Variants in TMEM161A observed in about 807,000 individuals in gnomAD.
The protein encoded by TMEM161A is adaptive response to oxidative stress protein 29.
A neutral mutation model predicts 57.1 loss-of-function variants in TMEM161A; 46 were observed. The ratio of observed to expected loss-of-function variants is 0.81; its 90% CI spans 0.64 to 1.03. The LOEUF is 1.03. Ranked by LOEUF, TMEM161A falls within the 50% of genes least tolerant of loss-of-function variation. The pLI, the probability that TMEM161A is intolerant of heterozygous loss-of-function variation, is 0.00. For synonymous variants in TMEM161A, 288 were observed against 279.0 expected (o/e 1.03, Z -0.32); for missense variants, 601 against 621.5 (o/e 0.97, Z 0.35).
rs772226901 is a variant in TMEM161A at position 19,132,765 on chromosome 19, G to A, written c.189-11C>T. 1.3e-6 allele frequency: 2 copies of A among 1,525,606 alleles called. No individual in the cohort carries two copies. Among genetic ancestry groups the A allele is most frequent in the Non-Finnish European group, 1.8e-6 (2 of 1,135,588 alleles). 94.5% of individuals were successfully genotyped at this position (1,525,606 alleles called of 1,614,324 possible). ...AGGCCATTGGCCCACCTGGGAGGAT[G>A]GTGACAAGCAAGAGGGACGGTGAGC... On this transcript the variant is annotated splice_polypyrimidine_tract_variant and intron_variant, in intron 3 of 11. Transcript: ENST00000162044. This position sits in a 1 kb window ranked among gnomAD's most constrained non-coding sequence, Gnocchi z 4.3.
At chr19:19,120,689 C>T in intron 11 of TMEM161A, 76 bp downstream of exon 11, 1 of 1,412,280 alleles carries the variant, frequency 7.1e-7, no homozygotes, top group South Asian at 1.2e-5. Flanking sequence ...CACCGCGGTC[C>T]CCGCCAGAGT....
rs1370134981 is a variant in TMEM161A, at chr19:19,132,216, G to C, written c.443+136C>G. The C allele has an allele frequency of 9.6e-7, 1 of 1,043,110 alleles. No individual in the cohort carries two copies. Among genetic ancestry groups the C allele is most frequent in the East Asian group, 2.5e-5 (1 of 40,274 alleles). The allele number at this position is 1,043,110 out of a possible 1,614,324, so 64.6% of individuals were successfully genotyped here. Reference sequence around the variant, plus strand: ...CCCACAGAGCTGGAGCACATAAAATGTCTGCTTCATGTCACTAAGCTTGGG... The same window carrying C: ...CCCACAGAGCTGGAGCACATAAAATCTCTGCTTCATGTCACTAAGCTTGGG... On this transcript the variant is annotated intron_variant, in intron 5 of 11. Coordinates refer to ENST00000162044, the MANE Select transcript of TMEM161A (RefSeq NM_017814.3). The surrounding 1 kb of genome is among the most constrained non-coding windows in gnomAD (Gnocchi z 4.3).
At chr19:19,129,782 C>A (rs1450181481) in intron 6 of TMEM161A, among the ~76,000 whole-genome samples, 3 of 151,712 alleles carry the variant, frequency 2.0e-5, no homozygotes. Flanking sequence ...GTGGTGCACA[C>A]CCATAATCCC....
In TMEM161A at chr19:19,132,300, T is replaced by G; in HGVS notation, c.443+52A>C. 1 of 1,561,678 alleles carries G rather than the reference T, an allele frequency of 6.4e-7. No individual in the cohort carries two copies. Among genetic ancestry groups the G allele is most frequent in the African/African-American group, 1.4e-5 (1 of 73,520 alleles). The stretch of plus-strand genomic sequence containing the variant: ...ACCAGTTTAGGGGAGCCAGGGAAGC[T>G]CAGGTCCTGCTCCCACCCGCCCCAC... On this transcript the variant is annotated intron_variant, in intron 5 of 11. Coordinates refer to ENST00000162044, the MANE Select transcript of TMEM161A (RefSeq NM_017814.3). This position sits in a 1 kb window ranked among gnomAD's most constrained non-coding sequence, Gnocchi z 4.3.
chr19:19,122,221 G>A (rs1032958597), intron 6 of TMEM161A, among the ~76,000 whole-genome samples: 10 of 152,168 alleles, frequency 6.6e-5, no homozygotes, highest in Non-Finnish European at 1.3e-4. Context: ...TTGAACATGG[G>A]GAGCGGAGGT....
Position 19,120,149 on chromosome 19 carries a change from T to C in TMEM161A, c.1221A>G (p.Leu407=), listed in dbSNP as rs1347053612. The C allele has an allele frequency of 4.5e-6, 7 of 1,559,448 alleles. No individual in the cohort carries two copies. The highest frequency in any genetic ancestry group is 3.9e-5 in the Admixed American group (2 of 51,632). The change falls in exon 12 of 12, where the codon CTA becomes CTG. Residue 407 remains leucine (L), a synonymous_variant. Transcript: ENST00000162044. ...TGGCTGAGGATGGGTCGGGGGATAG[T>C]AGAGGAGCTGGGCCCAGGCCCCAGG... ...GYSWGLGPAP[L]LSPDPSSASA... is the part of the protein sequence containing the mutation.
rs564474878 is a variant in TMEM161A at position 19,135,020 on chromosome 19, T to G, written c.4-133A>C. The G allele has an allele frequency of 6.2e-6, 4 of 649,980 alleles. No individual in the cohort carries two copies. In the South Asian group the frequency reaches 7.5e-5, roughly 12 times the overall value. 40.3% of individuals were successfully genotyped at this position (649,980 alleles called of 1,614,324 possible). A position where few individuals can be genotyped will look rare whatever the true frequency, so the allele number is the denominator to read the frequency against. ...GCGAGCCTCTTAGGCTCTAGCGGCT[T>G]CTTAGGGGAGAGTCCTGGGGTGAGT... is the stretch of plus-strand genomic sequence containing the variant. On this transcript the variant is annotated intron_variant, in intron 1 of 11. Transcript: ENST00000162044.
At chr19:19,131,579 G>A (rs2059959295) in intron 5 of TMEM161A, among the ~76,000 whole-genome samples, 1 of 151,986 alleles carries the variant, frequency 6.6e-6, no homozygotes, top group Admixed American at 6.6e-5. Context: ...AGGCTGGAGT[G>A]CAATAGCATG....
At chr19:19,124,101 A>G (rs1485537478) in intron 6 of TMEM161A, among the ~76,000 whole-genome samples, 2 of 152,178 alleles carry the variant, frequency 1.3e-5, no homozygotes, top group Non-Finnish European at 2.9e-5. Flanking sequence ...TCCATACATC[A>G]TGATAAAATG....
At chr19:19,122,199 C>G (rs2059914320) in intron 6 of TMEM161A, among the ~76,000 whole-genome samples, 1 of 152,150 alleles carries the variant, frequency 6.6e-6, no homozygotes, top group Non-Finnish European at 1.5e-5. Context: ...GAGGCTGAGG[C>G]AGGAGAATCG....
In TMEM161A at chr19:19,128,347, T is replaced by C. The variant is rs1298959962; in HGVS notation, c.595+1809A>G. Among the ~76,000 whole-genome samples the C allele has an allele frequency of 2.0e-5, 3 of 149,432 alleles. No individual in the cohort carries two copies. In the Admixed American group the frequency reaches 2.0e-4, roughly 10 times the overall value. ...ACCAGGTTCACGCCATTCTCCTGCC[T>C]CAGCCTCCCAAGTAGCTGGGACTAT... On this transcript the variant is annotated intron_variant, in intron 6 of 11. Transcript: ENST00000162044.
chr19:19,135,277 C>G (rs562525245), intron 1 of TMEM161A, among the ~76,000 whole-genome samples: 43 of 152,224 alleles, frequency 2.8e-4, no homozygotes, highest in Admixed American at 9.2e-4. Context: ...AACCACGAGC[C>G]CGCCACACTC....
In TMEM161A at chr19:19,121,125, A is replaced by G. The variant is rs1367023991; in HGVS notation, c.956T>C (p.Leu319Pro). 3.1e-6 allele frequency: 5 copies of G among 1,611,100 alleles called. No individual in the cohort carries two copies. Among genetic ancestry groups the G allele is most frequent in the Non-Finnish European group, 4.2e-6 (5 of 1,179,120 alleles). ...SAFDSGRLWL[L>P]VVLCLLRLAV... Reference sequence around the variant, plus strand: ...CAGCCGCAGCAGGCACAGCACCACCAGCAACCAGAGGCGCCCAGAGTCGAA... The same window carrying G: ...CAGCCGCAGCAGGCACAGCACCACCGGCAACCAGAGGCGCCCAGAGTCGAA... The change falls in exon 10 of 12, where the codon CTG (leucine) becomes CCG (proline). Residue 319 changes from leucine (L) to proline (P), a missense_variant. Transcript: ENST00000162044. This position sits in a 1 kb window ranked among gnomAD's most constrained non-coding sequence, Gnocchi z 5.8.
At chr19:19,123,155 G>A (rs948448154) in intron 6 of TMEM161A, among the ~76,000 whole-genome samples, 2 of 152,186 alleles carry the variant, frequency 1.3e-5, no homozygotes, top group African/African-American at 2.4e-5. Flanking sequence ...AAACAAGTAG[G>A]TGAGAAATAT....
intron 6 of TMEM161A, among the ~76,000 whole-genome samples, chr19:19,123,480 C>T (rs569998841): frequency 6.6e-6 from 1 of 152,202 alleles, no homozygotes; most frequent in African/African-American, 2.4e-5. Flanking sequence ...ACTGCAACAA[C>T]AGAAAAGGAA....
chr19:19,120,115 G>C lies in TMEM161A; in HGVS notation c.1255C>G (p.Pro419Ala), dbSNP rs745353325. 3 of 1,569,502 alleles carry C rather than the reference G, an allele frequency of 1.9e-6. No homozygotes were observed. Among genetic ancestry groups the C allele is most frequent in the African/African-American group, 1.3e-5 (1 of 74,246 alleles). Residue 419 changes from proline (P) to alanine (A), a missense_variant, in exon 12 of 12, where the codon CCC becomes GCC. Coordinates refer to ENST00000162044, the MANE Select transcript of TMEM161A (RefSeq NM_017814.3). ...ACTTCGTCCTCCCCAGAGCCGATGG[G>C]GGCAGCGCTGGCTGAGGATGGGTCG... The part of the protein sequence containing the change: ...SPDPSSASAA[P>A]IGSGEDEVQQ...
At position 19,120,187 on chromosome 19, in the gene TMEM161A, G is replaced by A. The variant is rs1375816643; in HGVS notation, c.1187-4C>T. On this transcript the variant is annotated splice_polypyrimidine_tract_variant and splice_region_variant and intron_variant, in intron 11 of 11. Transcript: ENST00000162044. ...CCCAGGCCCCAGGAATAGCCTCCTA[G>A]GAGAAGAGGATGAAGCGAGGTATGA... is the stretch of plus-strand genomic sequence containing the variant. The A allele has an allele frequency of 1.9e-6, 3 of 1,542,588 alleles. No individual in the cohort carries two copies. Among genetic ancestry groups the A allele is most frequent in the Middle Eastern group, 1.8e-4 (1 of 5,570 alleles).
Position 19,121,901 on chromosome 19 carries a change from C to A in TMEM161A, c.596-82G>T. 6.7e-7 allele frequency: 1 copy of A among 1,496,078 alleles called. No homozygotes were observed. The highest frequency in any genetic ancestry group is 9.1e-7 in the Non-Finnish European group (1 of 1,093,812). 92.7% of individuals were successfully genotyped at this position (1,496,078 alleles called of 1,614,324 possible). On this transcript the variant is annotated intron_variant, in intron 6 of 11. Coordinates refer to ENST00000162044, the MANE Select transcript of TMEM161A (RefSeq NM_017814.3). This position sits in a 1 kb window ranked among gnomAD's most constrained non-coding sequence, Gnocchi z 5.8. ...CTCTGTTCCCTAACCCCCCATCCCT[C>A]AGGCATCCGTTTGCTTCCCAAGTAG...
rs755283218 is a variant in TMEM161A, at chr19:19,121,582, C to T, written c.743G>A (p.Arg248Gln). The T allele has an allele frequency of 8.1e-6, 13 of 1,613,870 alleles. No individual in the cohort carries two copies. The highest frequency in any genetic ancestry group is 6.7e-5 in the Admixed American group (4 of 59,994). ...TGCGTCCCGGTGGGTCTGGGCCAGC[C>T]GCAGGCCTGGGAAGGTGAGGAAGGC... Reference protein sequence around the residue: ...LGAFLTFPGLRLAQTHRDALT... With the variant: ...LGAFLTFPGLQLAQTHRDALT... The change falls in exon 8 of 12, where the codon CGG becomes CAG. Residue 248 changes from arginine (R) to glutamine (Q), a missense_variant. Coordinates refer to ENST00000162044, the MANE Select transcript of TMEM161A (RefSeq NM_017814.3). The surrounding 1 kb of genome is among the most constrained non-coding windows in gnomAD (Gnocchi z 5.8).
Sources: gnomAD v4.1 joint callset for allele counts (sites outside exome capture counted in the v4.1 genomes callset) on GRCh38, gnomAD v4.1.1 for gene constraint, Gnocchi (gnomAD v3.1) non-coding constraint, MANE v1.5 for transcripts, NCBI Gene and HGNC (gene_info 2026-07-23, HGNC 2026-07-21) for gene names.